CFAP299: variants seen among roughly 807,000 people sequenced by gnomAD.
The protein encoded by CFAP299 is cilia and flagella associated protein 299, also known as cilia- and flagella-associated protein 299.
CFAP299 carries 21 observed loss-of-function variants against 27.0 expected under a neutral mutation model. The observed-to-expected ratio is 0.78, with a 90% confidence interval of 0.55 to 1.12. The LOEUF (loss-of-function observed/expected upper bound fraction) is 1.12. CFAP299 is among the 50% of genes most tolerant of loss of function. The pLI, the probability that CFAP299 is intolerant of heterozygous loss-of-function variation, is 0.00. For missense variants in CFAP299, 310 were observed against 276.6 expected (o/e 1.12, Z -0.86); for synonymous variants, 104 against 98.1 (o/e 1.06, Z -0.36).
intron 3 of CFAP299, among the ~76,000 whole-genome samples, chr4:80,724,923 C>CT: frequency 8.7e-6 from 1 of 114,502 alleles, no homozygotes; most frequent in East Asian, 2.4e-4. Context: ...TTCCTTCTTT[C>CT]TTCTTTCTTT....
In CFAP299 at chr4:80,929,070, G is replaced by A. The variant is rs777945533; in HGVS notation, c.477-15740G>A. 1.2e-4 allele frequency among the ~76,000 whole-genome samples: 18 copies of A among 152,046 alleles called. No homozygotes were observed. In the South Asian group the frequency reaches 1.2e-3, roughly 10 times the overall value. ...TCAGACATGCTTGAGAAAAATTTCCGTTCATAGAAACTGCAGACACTGACA... is the reference window on the plus strand; with the variant it reads ...TCAGACATGCTTGAGAAAAATTTCCATTCATAGAAACTGCAGACACTGACA... On this transcript the variant is annotated intron_variant, in intron 4 of 5. Transcript: ENST00000358105.
At chr4:80,928,258 A>C (rs1297736916) in intron 4 of CFAP299, among the ~76,000 whole-genome samples, 2 of 152,126 alleles carry the variant, frequency 1.3e-5, no homozygotes, top group Non-Finnish European at 2.9e-5. Flanking sequence ...GCACAGCCAC[A>C]GTGTCTGAGC....
At chr4:80,925,673 G>GA (rs1201150459) in intron 4 of CFAP299, among the ~76,000 whole-genome samples, 3 of 151,638 alleles carry the variant, frequency 2.0e-5, no homozygotes, top group South Asian at 2.1e-4. Flanking sequence ...ATCTCTTAGT[G>GA]AAAAAAAAGA....
At chr4:80,473,744 T>C (rs1578485597) in intron 2 of CFAP299, among the ~76,000 whole-genome samples, 1 of 152,054 alleles carries the variant, frequency 6.6e-6, no homozygotes, top group African/African-American at 2.4e-5. Flanking sequence ...CTAATTGTTT[T>C]GTTTGTTTGT....
chr4:80,729,507 C>A (rs1723366726), intron 3 of CFAP299, among the ~76,000 whole-genome samples: 1 of 151,994 alleles, frequency 6.6e-6, no homozygotes, highest in South Asian at 2.1e-4. Flanking sequence ...AGGTCACTCA[C>A]CCTGAGGGAA....
intron 3 of CFAP299, among the ~76,000 whole-genome samples, chr4:80,713,004 G>A (rs1560712800): frequency 6.6e-6 from 1 of 151,988 alleles, no homozygotes; most frequent in Non-Finnish European, 1.5e-5. Flanking sequence ...CAGTGTGCTG[G>A]GTGCTGGGAA....
chr4:80,937,508 A>G (rs1348915433), intron 4 of CFAP299, among the ~76,000 whole-genome samples: 1 of 151,494 alleles, frequency 6.6e-6, no homozygotes, highest in Non-Finnish European at 1.5e-5. Flanking sequence ...TTGTAGAGAC[A>G]TGGTTTCACC....
Position 80,921,228 on chromosome 4 carries a change from A to G in CFAP299, c.477-23582A>G, listed in dbSNP as rs114376663. ...ATTAAGTGATTTGATAAAGATAAAT[A>G]AGACACAATTCCTTCCCTCAAGGAA... On this transcript the variant is annotated intron_variant, in intron 4 of 5. Transcript: ENST00000358105. Among the ~76,000 whole-genome samples, 471 of 152,264 alleles carry G rather than the reference A, an allele frequency of 3.1e-3. 2 individuals are homozygous for G. The highest frequency in any genetic ancestry group is 0.011 in the African/African-American group (452 of 41,570).
intron 2 of CFAP299, among the ~76,000 whole-genome samples, chr4:80,373,016 T>C (rs923113989): frequency 2.0e-5 from 3 of 152,172 alleles, no homozygotes; most frequent in Non-Finnish European, 4.4e-5. Context: ...GAGCTTGTGG[T>C]AGTCTACACT....
chr4:80,807,994 A>G (rs1040822394), intron 3 of CFAP299, among the ~76,000 whole-genome samples: 3 of 151,912 alleles, frequency 2.0e-5, no homozygotes, highest in African/African-American at 7.3e-5. Context: ...AACTATCCAT[A>G]TCATGTGAGC....
At chr4:80,674,628 G>C (rs1221199594) in intron 3 of CFAP299, among the ~76,000 whole-genome samples, 4 of 152,128 alleles carry the variant, frequency 2.6e-5, no homozygotes, top group Non-Finnish European at 5.9e-5. Flanking sequence ...TTCCAAATTG[G>C]TTCCATTCTC....
intron 3 of CFAP299, among the ~76,000 whole-genome samples, chr4:80,612,447 G>A (rs1738036139): frequency 6.6e-6 from 1 of 152,000 alleles, no homozygotes; most frequent in Non-Finnish European, 1.5e-5. Context: ...ATTAGAGTTT[G>A]AGACAAAATC....
chr4:80,388,674 G>A, intron 2 of CFAP299: 2 of 1,040,596 alleles, frequency 1.9e-6, no homozygotes, highest in Non-Finnish European at 3.0e-6. Context: ...AGAATGGTCT[G>A]GTTGTCCATT....
intron 2 of CFAP299, among the ~76,000 whole-genome samples, chr4:80,469,063 A>G (rs984506116): frequency 6.6e-6 from 1 of 152,216 alleles, no homozygotes; most frequent in Non-Finnish European, 1.5e-5. Context: ...TAAATGTGCT[A>G]TATATTTAGA....
At chr4:80,431,985 A>G (rs1727838759) in intron 2 of CFAP299, among the ~76,000 whole-genome samples, 1 of 152,172 alleles carries the variant, frequency 6.6e-6, no homozygotes. Context: ...AAGGATAGGG[A>G]CATTTTCTGA....
At chr4:80,401,912 A>C (rs1317215254) in intron 2 of CFAP299, among the ~76,000 whole-genome samples, 1 of 152,192 alleles carries the variant, frequency 6.6e-6, no homozygotes, top group South Asian at 2.1e-4. Flanking sequence ...CACGTCTTGA[A>C]TCATTGTGAC....
At chr4:80,872,999 T>A (rs926116029) in intron 4 of CFAP299, 2 of 983,194 alleles carry the variant, frequency 2.0e-6, no homozygotes, top group Non-Finnish European at 2.4e-6. Flanking sequence ...AAACTTTACC[T>A]CTGCAGTTTG....
intron 2 of CFAP299, chr4:80,386,266 G>A (rs574237940): frequency 1.0e-4 from 121 of 1,211,588 alleles, no homozygotes; most frequent in Non-Finnish European, 1.3e-4. Context: ...AGCCAGGTTG[G>A]AGCCCAGCCC....
At chr4:80,390,890 T>TAC (rs1242356040) in intron 2 of CFAP299, among the ~76,000 whole-genome samples, 4 of 64,822 alleles carry the variant, frequency 6.2e-5, no homozygotes, top group Non-Finnish European at 1.2e-4. Context: ...TATATGTATA[T>TAC]ACACACATAT....
Sources: allele counts gnomAD v4.1 joint callset (sites outside exome capture counted in the v4.1 genomes callset), GRCh38; gene constraint gnomAD v4.1.1; transcripts MANE v1.5; gene names NCBI Gene and HGNC (gene_info 2026-07-23, HGNC 2026-07-21).